Variants in TBC1D4 observed in about 807,000 individuals in gnomAD.
The protein encoded by TBC1D4 is TBC1 domain family member 4.
A neutral mutation model predicts 142.5 loss-of-function variants in TBC1D4; 121 were observed. That is an observed-to-expected ratio of 0.85 (90% CI 0.73 to 0.99). The LOEUF (loss-of-function observed/expected upper bound fraction) is 0.99. Ranked by LOEUF, TBC1D4 falls within the 50% of genes least tolerant of loss-of-function variation. The probability of loss-of-function intolerance (pLI) is 0.00; values close to 1 mark genes in which losing one functional copy is unlikely to be tolerated. For missense variants in TBC1D4, 1,475 were observed against 1,606.6 expected, an observed-to-expected ratio of 0.92 and a Z score of 1.40; for synonymous variants, 630 against 628.2, an observed-to-expected ratio of 1.00 and a Z score of -0.04.
At position 75,481,818 on chromosome 13, in the gene TBC1D4, C is replaced by T. The variant is rs3825440; in HGVS notation, c.-51G>A. 15,189 of 1,439,574 alleles carry T rather than the reference C, an allele frequency of 0.011. 1,005 individuals are homozygous for T. In the African/African-American group the frequency reaches 0.16, roughly 15 times the overall value. The allele number at this position is 1,439,574 out of a possible 1,614,324, so 89.2% of individuals were successfully genotyped here. A position where few individuals can be genotyped will look rare whatever the true frequency, so the allele number is the denominator to read the frequency against. On this transcript the variant is annotated 5_prime_UTR_variant, in exon 1 of 21. Coordinates refer to ENST00000377636, the MANE Select transcript of TBC1D4 (RefSeq NM_014832.5). ...GGAGGCCGGCCGGGCGCACCGCGCC[C>T]CCCACTCCCGCGCAGAAGGCGCCGC...
intron 8 of TBC1D4, among the ~76,000 whole-genome samples, chr13:75,333,629 C>A (rs956624190): frequency 1.3e-5 from 2 of 152,172 alleles, no homozygotes; most frequent in African/African-American, 4.8e-5. Flanking sequence ...AAAGGACATT[C>A]TCCAATATAA....
chr13:75,421,462 T>C (rs1008949090), intron 1 of TBC1D4, among the ~76,000 whole-genome samples: 4 of 152,224 alleles, frequency 2.6e-5, no homozygotes, highest in Non-Finnish European at 5.9e-5. Context: ...AGTAATTTTT[T>C]ATTTGCTGGG....
intron 1 of TBC1D4, 70 bp downstream of exon 1, chr13:75,481,200 G>GCGCC: frequency 1.6e-6 from 1 of 633,012 alleles, no homozygotes; most frequent in Non-Finnish European, 2.6e-6. Flanking sequence ...TGGGGTCCCC[G>GCGCC]CCCCTCCCGC....
At chr13:75,459,160 G>GT (rs1887864916) in intron 1 of TBC1D4, among the ~76,000 whole-genome samples, 1 of 152,128 alleles carries the variant, frequency 6.6e-6, no homozygotes, top group African/African-American at 2.4e-5. Flanking sequence ...AGGAGAGCAT[G>GT]TTTTTTACCA....
chr13:75,331,897 T>A (rs1195274359), intron 8 of TBC1D4, among the ~76,000 whole-genome samples: 2 of 151,100 alleles, frequency 1.3e-5, no homozygotes, highest in Non-Finnish European at 2.9e-5. Flanking sequence ...CCTTTTGCTA[T>A]GTAACCTTTA....
intron 1 of TBC1D4, among the ~76,000 whole-genome samples, chr13:75,416,940 C>A (rs541176283): frequency 2.0e-5 from 3 of 152,178 alleles, no homozygotes; most frequent in African/African-American, 7.2e-5. Context: ...GAAGGTCAAA[C>A]TGCCCTGCAA....
chr13:75,347,084 T>C (rs1326538229), intron 5 of TBC1D4, among the ~76,000 whole-genome samples: 1 of 152,048 alleles, frequency 6.6e-6, no homozygotes, highest in Non-Finnish European at 1.5e-5. Context: ...ATGTGCAATG[T>C]TAGGTTAATG....
At chr13:75,407,868 T>G (rs1467204219) in intron 1 of TBC1D4, among the ~76,000 whole-genome samples, 1 of 137,618 alleles carries the variant, frequency 7.3e-6, no homozygotes, top group African/African-American at 2.7e-5. Context: ...AGAGAGAAAA[T>G]AGAAAAAAAA....
In TBC1D4 at chr13:75,451,936, T is replaced by C. The variant is rs548098916; in HGVS notation, c.498+29334A>G. Among the ~76,000 whole-genome samples, 14 of 152,122 alleles carry C rather than the reference T, an allele frequency of 9.2e-5. No individual in the cohort carries two copies. In the South Asian group the frequency reaches 2.3e-3, roughly 25 times the overall value. ...CAAATAATTACTAGTGTTTAAACTA[T>C]TGTACTTCAATTAATTTTATATTTT... On this transcript the variant is annotated intron_variant, in intron 1 of 20. Coordinates refer to ENST00000377636, the MANE Select transcript of TBC1D4 (RefSeq NM_014832.5).
chr13:75,291,420 T>C (rs1311477207), intron 19 of TBC1D4, among the ~76,000 whole-genome samples: 1 of 152,164 alleles, frequency 6.6e-6, no homozygotes, highest in African/African-American at 2.4e-5. Context: ...TTTGAACAGC[T>C]TCCCTATGTT....
At position 75,285,138 on chromosome 13, in the gene TBC1D4, A is replaced by G. The variant is rs1302514355; in HGVS notation, c.*1654T>C. 6.6e-6 allele frequency: 1 copy of G among 152,204 alleles called. No individual in the cohort carries two copies. Among genetic ancestry groups the G allele is most frequent in the East Asian group, 1.9e-4 (1 of 5,200 alleles). 9.4% of individuals were successfully genotyped at this position (152,204 alleles called of 1,614,324 possible). A position where few individuals can be genotyped will look rare whatever the true frequency, so the allele number is the denominator to read the frequency against. On this transcript the variant is annotated 3_prime_UTR_variant, in exon 21 of 21. Coordinates refer to ENST00000377636, the MANE Select transcript of TBC1D4 (RefSeq NM_014832.5). ...ACTTAGAAGTTACATTAACTTTATT[A>G]ATAAGATTTTATTGTCTTTTAAGAA...
intron 1 of TBC1D4, among the ~76,000 whole-genome samples, chr13:75,446,751 T>C (rs1411748568): frequency 6.6e-6 from 1 of 152,232 alleles, no homozygotes; most frequent in Non-Finnish European, 1.5e-5. Flanking sequence ...TTTTCTGTAA[T>C]AACCTTCAAT....
At chr13:75,474,352 A>G (rs1461992137) in intron 1 of TBC1D4, among the ~76,000 whole-genome samples, 1 of 152,184 alleles carries the variant, frequency 6.6e-6, no homozygotes, top group Admixed American at 6.5e-5. Context: ...GAGGTCAGGA[A>G]ATCGAGACCA....
chr13:75,474,481 C>T (rs1436351037), intron 1 of TBC1D4, among the ~76,000 whole-genome samples: 1 of 152,014 alleles, frequency 6.6e-6, no homozygotes, highest in South Asian at 2.1e-4. Flanking sequence ...ATGGCGTGAA[C>T]CCGGAAGGCG....
intron 1 of TBC1D4, among the ~76,000 whole-genome samples, chr13:75,411,874 T>C (rs1345105870): frequency 6.6e-6 from 1 of 151,768 alleles, no homozygotes; most frequent in Non-Finnish European, 1.5e-5. Context: ...ACACTTGGGG[T>C]TCAAAAAGCA....
At chr13:75,345,238 A>G (rs563008843) in intron 5 of TBC1D4, among the ~76,000 whole-genome samples, 4 of 152,310 alleles carry the variant, frequency 2.6e-5, no homozygotes, top group African/African-American at 9.6e-5. Context: ...TTTCATATGG[A>G]TGGAATGGGC....
At chr13:75,344,556 A>G (rs1177146719) in intron 5 of TBC1D4, among the ~76,000 whole-genome samples, 1 of 152,152 alleles carries the variant, frequency 6.6e-6, no homozygotes, top group Non-Finnish European at 1.5e-5. Flanking sequence ...CAACATTAGG[A>G]TAATCGGTCT....
chr13:75,445,486 C>A (rs532524561), intron 1 of TBC1D4, among the ~76,000 whole-genome samples: 14 of 152,224 alleles, frequency 9.2e-5, no homozygotes, highest in African/African-American at 3.4e-4. Context: ...CCTCAGAAAC[C>A]ACTCTAAGAA....
chr13:75,299,535 A>C lies in TBC1D4; in HGVS notation c.2951T>G (p.Leu984Arg), dbSNP rs1396034711. ...AAACAGTGACAGCTGTCCTGGCCCA[A>C]GCTGTACTGAAAAGTAAGGGTGAGT... is the stretch of plus-strand genomic sequence containing the variant. ...FPTHPYFSVQLGPGQLSLFNL... is the reference protein window; with the variant it reads ...FPTHPYFSVQRGPGQLSLFNL... The change falls in exon 17 of 21, where the codon CTT becomes CGT. Residue 984 changes from leucine (L) to arginine (R), a missense_variant. Around this residue, in one of 2 missense-constraint regions of TBC1D4, gnomAD observed 1,227 missense variants for 1,267.7 expected, o/e 0.97. Transcript: ENST00000377636. The C allele has an allele frequency of 6.2e-7, 1 of 1,614,218 alleles. No individual in the cohort carries two copies. The highest frequency in any genetic ancestry group is 1.1e-5 in the South Asian group (1 of 91,088).
Sources: allele counts gnomAD v4.1 joint callset (sites outside exome capture counted in the v4.1 genomes callset), GRCh38; gene constraint gnomAD v4.1.1; regional missense constraint gnomAD v4.1.1; transcripts MANE v1.5; gene names NCBI Gene and HGNC (gene_info 2026-07-23, HGNC 2026-07-21).